The following TFEB variants were observed in gnomAD, a reference collection of about 807,000 sequenced individuals.
TFEB encodes the protein T-cell transcription factor EB.
In TFEB, 12 loss-of-function variants were observed where a neutral mutation model predicts 48.0. The ratio of observed to expected loss-of-function variants is 0.25; its 90% CI spans 0.16 to 0.40. The LOEUF (loss-of-function observed/expected upper bound fraction) is 0.40, where lower values mean the gene tolerates loss of function less well. Ranked by LOEUF, TFEB falls within the 10% of genes least tolerant of loss-of-function variation. TFEB has a pLI of 1.00. For synonymous variants in TFEB, 244 were observed against 261.4 expected (o/e 0.93, Z 0.64); for missense variants, 509 against 640.3 (o/e 0.79, Z 2.21).
chr6:41,699,994 A>C (rs527639265), intron 1 of TFEB, among the ~76,000 whole-genome samples: 1 of 152,316 alleles, frequency 6.6e-6, no homozygotes, highest in Non-Finnish European at 1.5e-5. Flanking sequence ...TCACCCTGGC[A>C]GGTTCCCTCC....
At chr6:41,696,866 T>C (rs1245391406) in intron 1 of TFEB, among the ~76,000 whole-genome samples, 6 of 152,138 alleles carry the variant, frequency 3.9e-5, no homozygotes, top group Admixed American at 6.5e-5. Flanking sequence ...GCTCTGCGTA[T>C]ATGAGTTCAA....
Position 41,734,556 on chromosome 6 carries a change from C to A in TFEB, c.-23+794G>T, listed in dbSNP as rs1383473852. On this transcript the variant is annotated intron_variant, in intron 1 of 8. Coordinates refer to ENST00000373033, the MANE Select transcript of TFEB (RefSeq NM_001271944.2). This position sits in a 1 kb window ranked among gnomAD's most constrained non-coding sequence, Gnocchi z 4.0. ...GGAAGGGGGCGTGTTTTCCGGGATT[C>A]GGGACCGAGACGGGGGGAGGGGGAA... is the stretch of plus-strand genomic sequence containing the variant. Among the ~76,000 whole-genome samples the A allele has an allele frequency of 2.5e-5, 2 of 80,754 alleles. No homozygotes were observed. The highest frequency in any genetic ancestry group is 5.1e-5 in the African/African-American group (1 of 19,732). The allele number at this position is 80,754 out of a possible 152,430, so 53.0% of individuals were successfully genotyped here. A position where few individuals can be genotyped will look rare whatever the true frequency, so the allele number is the denominator to read the frequency against.
chr6:41,723,649 A>T lies in TFEB; in HGVS notation c.-23+11701T>A. 2.4e-6 allele frequency: 2 copies of T among 820,996 alleles called. No individual in the cohort carries two copies. Among genetic ancestry groups the T allele is most frequent in the Non-Finnish European group, 3.3e-6 (2 of 598,180 alleles). The allele number at this position is 820,996 out of a possible 1,614,324, so 50.9% of individuals were successfully genotyped here. ...GTTGCACAATCCCCTGGGAGCTGCA[A>T]ATGCGGCCGAGGATTACTCACAGCA... On this transcript the variant is annotated intron_variant, in intron 1 of 8. Transcript: ENST00000373033. The surrounding 1 kb of genome is among the most constrained non-coding windows in gnomAD (Gnocchi z 6.0).
rs1768879416 is a variant in TFEB, at chr6:41,684,475, G to A, written c.*124C>T. The stretch of plus-strand genomic sequence containing the variant: ...CTAAGTCCAAACAGGGGCCAACGGG[G>A]AGGAGGGAGGCAGGGCAGGTGGCTA... On this transcript the variant is annotated 3_prime_UTR_variant, in exon 9 of 9. Transcript: ENST00000373033. 9 of 1,244,458 alleles carry A rather than the reference G, an allele frequency of 7.2e-6. No homozygotes were observed. The South Asian group carries it at 9.4e-5, about 13-fold the overall frequency. The allele number at this position is 1,244,458 out of a possible 1,614,324, so 77.1% of individuals were successfully genotyped here. A position where few individuals can be genotyped will look rare whatever the true frequency, so the allele number is the denominator to read the frequency against.
chr6:41,696,099 C>A (rs535495897), intron 1 of TFEB, among the ~76,000 whole-genome samples: 1 of 152,264 alleles, frequency 6.6e-6, no homozygotes, highest in Non-Finnish European at 1.5e-5. Context: ...CAGCCCCAGA[C>A]AAGGGCTTCT....
In TFEB at chr6:41,734,876, T is replaced by A. The variant is rs1771609678; in HGVS notation, c.-23+474A>T. 6.1e-6 allele frequency: 6 copies of A among 978,952 alleles called. No individual in the cohort carries two copies. The South Asian group carries it at 1.9e-4, about 31-fold the overall frequency. The allele number at this position is 978,952 out of a possible 1,614,324, so 60.6% of individuals were successfully genotyped here. On this transcript the variant is annotated intron_variant, in intron 1 of 8. Transcript: ENST00000373033. This position sits in a 1 kb window ranked among gnomAD's most constrained non-coding sequence, Gnocchi z 4.0. ...ACTCCCCCCGCTGGCCTGGCCAGACTCAGCCCCCGCACACCTCCCCTACCT... is the reference window on the plus strand; with the variant it reads ...ACTCCCCCCGCTGGCCTGGCCAGACACAGCCCCCGCACACCTCCCCTACCT...
At chr6:41,714,547 G>A (rs1279193840) in intron 1 of TFEB, among the ~76,000 whole-genome samples, 1 of 152,174 alleles carries the variant, frequency 6.6e-6, no homozygotes, top group East Asian at 1.9e-4. Context: ...GGCCTTGATG[G>A]TATCATTCCA....
chr6:41,688,992 A>G (rs1769155715), intron 4 of TFEB, among the ~76,000 whole-genome samples: 1 of 152,210 alleles, frequency 6.6e-6, no homozygotes, highest in Admixed American at 6.5e-5. Context: ...CCACCTGCCC[A>G]GCGTACACAC....
At chr6:41,704,952 A>T (rs1455337776) in intron 1 of TFEB, among the ~76,000 whole-genome samples, 1 of 152,212 alleles carries the variant, frequency 6.6e-6, no homozygotes, top group East Asian at 1.9e-4. Flanking sequence ...ATCCAGGTCT[A>T]TGGGGAAACA....
Position 41,720,849 on chromosome 6 carries a change from A to G in TFEB, c.-23+14501T>C, listed in dbSNP as rs989056489. On this transcript the variant is annotated intron_variant, in intron 1 of 8. Coordinates refer to ENST00000373033, the MANE Select transcript of TFEB (RefSeq NM_001271944.2). The surrounding 1 kb of genome is among the most constrained non-coding windows in gnomAD (Gnocchi z 4.1). ...TTCCATCATATATTACAATGTAATAATCATAGAAATAAAGTACACAATAAA... is the reference window on the plus strand; with the variant it reads ...TTCCATCATATATTACAATGTAATAGTCATAGAAATAAAGTACACAATAAA... 6.6e-6 allele frequency among the ~76,000 whole-genome samples: 1 copy of G among 152,202 alleles called. No homozygotes were observed. The highest frequency in any genetic ancestry group is 1.5e-5 in the Non-Finnish European group (1 of 68,032).
At chr6:41,696,915 T>C (rs1019029101) in intron 1 of TFEB, among the ~76,000 whole-genome samples, 2 of 152,158 alleles carry the variant, frequency 1.3e-5, no homozygotes, top group Non-Finnish European at 2.9e-5. Flanking sequence ...GAACTCAGGA[T>C]CCTAATTACC....
At chr6:41,703,367 C>T (rs539812279) in intron 1 of TFEB, among the ~76,000 whole-genome samples, 21 of 152,252 alleles carry the variant, frequency 1.4e-4, no homozygotes, top group African/African-American at 4.8e-4. Context: ...CTAAGCCACC[C>T]CCGCCTCAGC....
In TFEB at chr6:41,691,261, A is replaced by G. The variant is rs567003308; in HGVS notation, c.-22-26T>C. On this transcript the variant is annotated intron_variant, in intron 1 of 8. Transcript: ENST00000373033. This position sits in a 1 kb window ranked among gnomAD's most constrained non-coding sequence, Gnocchi z 5.2. ...CTGTGGATGAGAAGGGGCAGCAGGTATATGAGGCACGTGTCCTCCTCAAAG... is the reference window on the plus strand; with the variant it reads ...CTGTGGATGAGAAGGGGCAGCAGGTGTATGAGGCACGTGTCCTCCTCAAAG... 4.2e-5 allele frequency: 65 copies of G among 1,552,482 alleles called. No homozygotes were observed. The South Asian group carries it at 6.9e-4, about 16-fold the overall frequency.
In TFEB at chr6:41,720,907, C is replaced by T. The variant is rs1461619340; in HGVS notation, c.-23+14443G>A. On this transcript the variant is annotated intron_variant, in intron 1 of 8. Coordinates refer to ENST00000373033, the MANE Select transcript of TFEB (RefSeq NM_001271944.2). The surrounding 1 kb of genome is among the most constrained non-coding windows in gnomAD (Gnocchi z 4.1). Reference sequence around the variant, plus strand: ...TTCTTGAATAATCCTGAGACCCCAACCTCCACCCAACCCCCTGCTCCAGCA... The same window carrying T: ...TTCTTGAATAATCCTGAGACCCCAATCTCCACCCAACCCCCTGCTCCAGCA... 6.6e-6 allele frequency among the ~76,000 whole-genome samples: 1 copy of T among 152,134 alleles called. No homozygotes were observed. The highest frequency in any genetic ancestry group is 1.5e-5 in the Non-Finnish European group (1 of 68,012).
At chr6:41,731,513 C>G (rs1044744863) in intron 1 of TFEB, among the ~76,000 whole-genome samples, 3 of 152,310 alleles carry the variant, frequency 2.0e-5, no homozygotes, top group African/African-American at 7.2e-5. Flanking sequence ...TTTCTTCCTC[C>G]CCGGTGCCTT....
At chr6:41,733,004 CA>C in intron 1 of TFEB, 1 of 985,528 alleles carries the variant, frequency 1.0e-6, no homozygotes, top group Non-Finnish European at 1.2e-6. Context: ...AGACAGAACC[CA>C]GGGGGTGGCT....
rs1771092632 is a variant in TFEB at position 41,723,811 on chromosome 6, T to C, written c.-23+11539A>G. The stretch of plus-strand genomic sequence containing the variant: ...CACAGGAGGCCTCTCATGGCCGCCC[T>C]GACCCCAGCCTGACCTCAGAGGGCC... On this transcript the variant is annotated intron_variant, in intron 1 of 8. Coordinates refer to ENST00000373033, the MANE Select transcript of TFEB (RefSeq NM_001271944.2). This position sits in a 1 kb window ranked among gnomAD's most constrained non-coding sequence, Gnocchi z 6.0. The C allele has an allele frequency of 2.5e-6, 1 of 398,112 alleles. No homozygotes were observed. The highest frequency in any genetic ancestry group is 5.0e-6 in the Non-Finnish European group (1 of 198,108). 24.7% of individuals were successfully genotyped at this position (398,112 alleles called of 1,614,324 possible). A position where few individuals can be genotyped will look rare whatever the true frequency, so the allele number is the denominator to read the frequency against.
In TFEB at chr6:41,693,074, G is replaced by A. The variant is rs151062348; in HGVS notation, c.-22-1839C>T. Reference sequence around the variant, plus strand: ...AGGCTGAGTGCATGAGACATGGATGGGCACATGACTGGCAGGCGAACTGAT... The same window carrying A: ...AGGCTGAGTGCATGAGACATGGATGAGCACATGACTGGCAGGCGAACTGAT... On this transcript the variant is annotated intron_variant, in intron 1 of 8. Transcript: ENST00000373033. 3.3e-3 allele frequency among the ~76,000 whole-genome samples: 496 copies of A among 152,256 alleles called. 1 individual carries two copies. The highest frequency in any genetic ancestry group is 0.011 in the African/African-American group (477 of 41,526).
At chr6:41,731,957 G>A (rs1168582818) in intron 1 of TFEB, among the ~76,000 whole-genome samples, 1 of 152,230 alleles carries the variant, frequency 6.6e-6, no homozygotes, top group Non-Finnish European at 1.5e-5. Context: ...CACCCATGCT[G>A]GCAGCTCAGA....
Sources: gnomAD v4.1 joint callset for allele counts (sites outside exome capture counted in the v4.1 genomes callset) on GRCh38, gnomAD v4.1.1 for gene constraint, Gnocchi (gnomAD v3.1) non-coding constraint, MANE v1.5 for transcripts, NCBI Gene and HGNC (gene_info 2026-07-23, HGNC 2026-07-21) for gene names.